Variants in DCTN1 observed in about 807,000 individuals in gnomAD.
DCTN1 encodes 150 kDa dynein-associated polypeptide.
In DCTN1, 61 loss-of-function variants were observed where a neutral mutation model predicts 161.2. The observed-to-expected ratio is 0.38, with a 90% CI of 0.31 to 0.47. DCTN1 has a LOEUF of 0.47. Among genes scored for constraint, DCTN1 ranks in the 20% least tolerant of loss-of-function variants. The pLI, the probability that DCTN1 is intolerant of heterozygous loss-of-function variation, is 0.99. For synonymous variants in DCTN1, 653 were observed against 632.4 expected, an observed-to-expected ratio of 1.03 and a Z score of -0.49; for missense variants, 1,404 against 1,623.7, an observed-to-expected ratio of 0.86 and a Z score of 2.33.
intron 31 of DCTN1, 149 bp downstream of exon 31, chr2:74,361,902 GA>G: frequency 1.1e-6 from 1 of 876,248 alleles, no homozygotes; most frequent in Non-Finnish European, 1.9e-6. Flanking sequence ...AAGCACTTCT[GA>G]GTTACTTGTA....
intron 5 of DCTN1, chr2:74,374,764 G>A: frequency 8.9e-7 from 1 of 1,125,454 alleles, no homozygotes; most frequent in East Asian, 6.6e-5. Context: ...AACCATCTAG[G>A]GCTTTGCTGG....
Position 74,371,393 on chromosome 2 carries a change from A to G in DCTN1, c.645+144T>C, listed in dbSNP as rs181433703. ...GAAAGGAAAGGATGGCTCAGTCAGT[A>G]GCAAGATATCCATAGGCTATGTCCT... On this transcript the variant is annotated intron_variant, in intron 8 of 31. Coordinates refer to ENST00000628224, the MANE Select transcript of DCTN1 (RefSeq NM_004082.5). The G allele has an allele frequency of 2.1e-5, 26 of 1,247,528 alleles. No homozygotes were observed. In the Admixed American group the frequency reaches 5.3e-4, roughly 25 times the overall value. The allele number at this position is 1,247,528 out of a possible 1,614,324, so 77.3% of individuals were successfully genotyped here.
chr2:74,381,625 G>C (rs1228163142), upstream of DCTN1, among the ~76,000 whole-genome samples: 2 of 152,032 alleles, frequency 1.3e-5, no homozygotes, highest in Non-Finnish European at 2.9e-5. Context: ...CAGTCTATAG[G>C]ACACCTTAAA....
intron 2 of DCTN1, 51 bp from the exon 3 acceptor site, chr2:74,377,777 C>G (rs775788843): frequency 1.3e-6 from 2 of 1,564,040 alleles, no homozygotes; most frequent in Non-Finnish European, 1.8e-6. Context: ...ATAGCCAGAT[C>G]AAGGACGGCT....
At position 74,366,074 on chromosome 2, in the gene DCTN1, C is replaced by T. The variant is rs956368812; in HGVS notation, c.2761-56G>A. ...TGAGGGTGGAGAGAAGAGATCATCA[C>T]TGTGCTCCTTACAGAGAGATCCAGT... On this transcript the variant is annotated intron_variant, in intron 23 of 31. Transcript: ENST00000628224. The T allele has an allele frequency of 4.3e-6, 7 of 1,613,584 alleles. No individual in the cohort carries two copies. The African/African-American group carries it at 8.0e-5, about 18-fold the overall frequency.
chr2:74,365,384 G>C lies in DCTN1; in HGVS notation c.3029+131C>G, dbSNP rs901748804. 1.1e-5 allele frequency: 17 copies of C among 1,550,716 alleles called. No homozygotes were observed. In the African/African-American group the frequency reaches 1.5e-4, roughly 14 times the overall value. On this transcript the variant is annotated intron_variant, in intron 25 of 31. Transcript: ENST00000628224. ...AGGCTTAGGCTGGGGTGATGCAATG[G>C]GGTTGGCAGTGGGTAAAGAAAATGG...
chr2:74,369,953 C>T lies in DCTN1; in HGVS notation c.1392+12G>A, dbSNP rs1203918266. 1.9e-6 allele frequency: 3 copies of T among 1,613,284 alleles called. No homozygotes were observed. Among genetic ancestry groups the T allele is most frequent in the Admixed American group, 1.7e-5 (1 of 60,020 alleles). The stretch of plus-strand genomic sequence containing the variant: ...GTCCAAGTCAGATGTCAGGGGTCTG[C>T]TCTTCTCTTACCAAGTCTCCCACAG... On this transcript the variant is annotated intron_variant, in intron 13 of 31. Transcript: ENST00000628224. This position sits in a 1 kb window ranked among gnomAD's most constrained non-coding sequence, Gnocchi z 4.9.
At chr2:74,387,956 G>A (rs532102757) in intron 1 of DCTN1, among the ~76,000 whole-genome samples, 4 of 152,280 alleles carry the variant, frequency 2.6e-5, no homozygotes, top group South Asian at 2.1e-4. Context: ...AGCCCAAGGC[G>A]GGCAGATCAC....
rs1031311603 is a variant in DCTN1, at chr2:74,361,907, A to G, written c.3699+145T>C. 3.4e-6 allele frequency: 3 copies of G among 889,494 alleles called. No individual in the cohort carries two copies. In the African/African-American group the frequency reaches 5.0e-5, roughly 15 times the overall value. The allele number at this position is 889,494 out of a possible 1,614,324, so 55.1% of individuals were successfully genotyped here. On this transcript the variant is annotated intron_variant, in intron 31 of 31. Coordinates refer to ENST00000628224, the MANE Select transcript of DCTN1 (RefSeq NM_004082.5). ...AAAGCACTGTAAGCACTTCTGAGTTACTTGTAAGTAAAATTTGGCCAGATA... is the reference window on the plus strand; with the variant it reads ...AAAGCACTGTAAGCACTTCTGAGTTGCTTGTAAGTAAAATTTGGCCAGATA...
chr2:74,370,117 A>G lies in DCTN1; in HGVS notation c.1288-48T>C, dbSNP rs375902440. On this transcript the variant is annotated intron_variant, in intron 12 of 31. Transcript: ENST00000628224. The surrounding 1 kb of genome is among the most constrained non-coding windows in gnomAD (Gnocchi z 4.4). ...AGAAGGGCTGCTGGAAGGTACCTAG[A>G]AAGAGGAGGCATCAACTGATAGGAG... The G allele has an allele frequency of 1.1e-4, 180 of 1,614,110 alleles. No homozygotes were observed. Among genetic ancestry groups the G allele is most frequent in the Middle Eastern group, 9.9e-4 (6 of 6,062 alleles).
chr2:74,364,987 G>T, intron 26 of DCTN1, 88 bp downstream of exon 26: 3 of 1,559,054 alleles, frequency 1.9e-6, no homozygotes, highest in Non-Finnish European at 2.7e-6. Context: ...CGGGGGTAAG[G>T]GGGGTGGGGC....
chr2:74,365,555 G>A lies in DCTN1; in HGVS notation c.2989C>T (p.Arg997Trp), dbSNP rs1030053524. ...ADERIEKVQT[R>W]LEETQALLRK... is the part of the protein sequence containing the mutation. Reference sequence around the variant, plus strand: ...AGCAGTGCCTGGGTCTCCTCCAGCCGAGTCTGGACTTTCTCGATGCGCTCA... The same window carrying A: ...AGCAGTGCCTGGGTCTCCTCCAGCCAAGTCTGGACTTTCTCGATGCGCTCA... The change falls in exon 25 of 32, where the codon CGG (arginine) becomes TGG (tryptophan). Residue 997 changes from arginine to tryptophan, a missense_variant. By Grantham distance (101) the Arg-to-Trp change is moderately radical (BLOSUM62 -3). This residue lies in a region of DCTN1 where 475 missense variants were observed against 489.8 expected (regional missense o/e 0.97). Coordinates refer to ENST00000628224, the MANE Select transcript of DCTN1 (RefSeq NM_004082.5). 19 of 1,613,982 alleles carry A rather than the reference G, an allele frequency of 1.2e-5. No individual in the cohort carries two copies. In the East Asian group the frequency reaches 1.3e-4, roughly 11 times the overall value.
rs1674425750 is a variant in DCTN1 at position 74,366,554 on chromosome 2, C to T, written c.2533G>A (p.Ala845Thr). The T allele has an allele frequency of 1.2e-6, 2 of 1,613,936 alleles. No individual in the cohort carries two copies. The highest frequency in any genetic ancestry group is 1.7e-5 in the Admixed American group (1 of 60,036). ...GCAATGAGCTGGGCAGCAGCAGCTGCCACCTCCTGCAGCACAGCCACGACC... is the reference window on the plus strand; with the variant it reads ...GCAATGAGCTGGGCAGCAGCAGCTGTCACCTCCTGCAGCACAGCCACGACC... Reference protein sequence around the residue: ...TWVVAVLQEVAAAAAQLIAPL... With the variant: ...TWVVAVLQEVTAAAAQLIAPL... Residue 845 changes from alanine to threonine, a missense_variant, in exon 22 of 32, where the codon GCA becomes ACA. By Grantham distance (58) the Ala-to-Thr change is moderately conservative (BLOSUM62 0). Transcript: ENST00000628224.
intron 5 of DCTN1, among the ~76,000 whole-genome samples, chr2:74,376,337 A>T (rs1675222354): frequency 6.6e-6 from 1 of 152,170 alleles, no homozygotes; most frequent in Non-Finnish European, 1.5e-5. Flanking sequence ...ATCTTCCTGC[A>T]AAACCCCCTC....
intron 16 of DCTN1, 61 bp from the exon 17 acceptor site, chr2:74,368,192 G>C: frequency 6.5e-7 from 1 of 1,548,648 alleles, no homozygotes; most frequent in Non-Finnish European, 8.7e-7. Flanking sequence ...CAGAGACTCA[G>C]GAATATAGTA....
intron 3 of DCTN1, 27 bp from the exon 4 acceptor site, chr2:74,377,493 G>A (rs1275780126): frequency 3.1e-6 from 5 of 1,606,300 alleles, no homozygotes; most frequent in Non-Finnish European, 2.6e-6. Flanking sequence ...GAAACAAAGT[G>A]TGTACTTGTA....
chr2:74,368,147 C>A lies in DCTN1; in HGVS notation c.1855-16G>T, dbSNP rs1252246814. ...TCAGCTCTGCCTGTGGGAAAAAGCA[C>A]CAGGAACCTGGGCCTCAGAGCAGAG... is the stretch of plus-strand genomic sequence containing the variant. On this transcript the variant is annotated splice_polypyrimidine_tract_variant and intron_variant, in intron 16 of 31. Coordinates refer to ENST00000628224, the MANE Select transcript of DCTN1 (RefSeq NM_004082.5). 2 of 1,571,202 alleles carry A rather than the reference C, an allele frequency of 1.3e-6. No homozygotes were observed. The highest frequency in any genetic ancestry group is 1.9e-5 in the Admixed American group (1 of 53,714).
At chr2:74,384,008 T>G (rs997883417), upstream of DCTN1, among the ~76,000 whole-genome samples, 70 of 152,156 alleles carry the variant, frequency 4.6e-4, no homozygotes, top group Non-Finnish European at 7.3e-5. Flanking sequence ...GGTCAATGAA[T>G]GCATGAATAA....
At position 74,377,655 on chromosome 2, in the gene DCTN1, G is replaced by A. The variant is rs1304658429; in HGVS notation, c.351C>T (p.Leu117=). 6.2e-7 allele frequency: 1 copy of A among 1,614,034 alleles called. No homozygotes were observed. The highest frequency in any genetic ancestry group is 1.1e-5 in the South Asian group (1 of 91,078). Residue 117 remains leucine, a synonymous_variant, in exon 3 of 32, where the codon CTC becomes CTT. Coordinates refer to ENST00000628224, the MANE Select transcript of DCTN1 (RefSeq NM_004082.5). ...TAAGTGGGTGGTTGTTACCTCTTTTGAGGACTTTTGAAGCAGAAGAATCAG... is the reference window on the plus strand; with the variant it reads ...TAAGTGGGTGGTTGTTACCTCTTTTAAGGACTTTTGAAGCAGAAGAATCAG... The part of the protein sequence containing the change: ...ETPDSSASKV[L]KREGTDTTAK...
Sources: gnomAD v4.1 joint callset for allele counts (sites outside exome capture counted in the v4.1 genomes callset) on GRCh38, gnomAD v4.1.1 for gene constraint, gnomAD v4.1.1 regional missense constraint, Gnocchi (gnomAD v3.1) non-coding constraint, MANE v1.5 for transcripts, NCBI Gene and HGNC (gene_info 2026-07-23, HGNC 2026-07-21) for gene names.